Variants in C10orf67 observed in about 807,000 individuals in gnomAD.
The protein encoded by C10orf67 is chromosome 10 open reading frame 67, also known as uncharacterized protein C10orf67, mitochondrial.
C10orf67 carries 60 observed loss-of-function variants against 35.6 expected under a neutral mutation model. The ratio of observed to expected loss-of-function variants is 1.68; its 90% CI spans 1.37 to 2.09. The LOEUF (loss-of-function observed/expected upper bound fraction) is 2.09. C10orf67 is among the 30% of genes most tolerant of loss of function. The pLI, the probability that C10orf67 is intolerant of heterozygous loss-of-function variation, is 0.00. For missense variants in C10orf67, 474 were observed against 330.2 expected, an observed-to-expected ratio of 1.44 and a Z score of -3.38; for synonymous variants, 167 against 115.8, an observed-to-expected ratio of 1.44 and a Z score of -2.84.
chr10:23,249,615 G>T (rs907702791), intron 12 of C10orf67, among the ~76,000 whole-genome samples: 1 of 152,186 alleles, frequency 6.6e-6, no homozygotes, highest in East Asian at 1.9e-4. Context: ...AATATACATA[G>T]CCAGGTATAG....
At chr10:23,343,503 A>G (rs1297951496) in intron 1 of C10orf67, among the ~76,000 whole-genome samples, 1 of 152,212 alleles carries the variant, frequency 6.6e-6, no homozygotes, top group African/African-American at 2.4e-5. Flanking sequence ...TTGTTACAGC[A>G]GCCCGAGGGG....
chr10:23,247,128 A>AT (rs909251894), intron 12 of C10orf67, among the ~76,000 whole-genome samples: 65 of 150,216 alleles, frequency 4.3e-4, no homozygotes, highest in South Asian at 1.3e-3. Flanking sequence ...TGAAAAAAAT[A>AT]TTTTTTTTTT....
intron 8 of C10orf67, among the ~76,000 whole-genome samples, chr10:23,280,600 T>C (rs927708050): frequency 6.6e-6 from 1 of 152,220 alleles, no homozygotes; most frequent in Non-Finnish European, 1.5e-5. Context: ...AGTCTAGGCA[T>C]CCTGAAGGCT....
At chr10:23,313,974 C>T (rs1203866239) in intron 4 of C10orf67, among the ~76,000 whole-genome samples, 1 of 145,460 alleles carries the variant, frequency 6.9e-6, no homozygotes, top group Admixed American at 6.9e-5. Flanking sequence ...GTGAGCAACG[C>T]TGACTATCGA....
At position 23,303,436 on chromosome 10, in the gene C10orf67, C is replaced by T; in HGVS notation, c.570G>A (p.Glu190=). 1.7e-6 allele frequency: 1 copy of T among 584,194 alleles called. No homozygotes were observed. Among genetic ancestry groups the T allele is most frequent in the Non-Finnish European group, 3.1e-6 (1 of 324,152 alleles). The allele number at this position is 584,194 out of a possible 1,614,324, so 36.2% of individuals were successfully genotyped here. Residue 190 remains glutamate, a synonymous_variant, in exon 5 of 16, where the codon GAG becomes GAA. Transcript: ENST00000636213. The stretch of plus-strand genomic sequence containing the variant: ...TACTCGCATCTTGCAAAGAAACATT[C>T]TCTTCTTCTACCTCAAAGAATTGCT... The part of the protein sequence containing the change: ...MYQQFFEVEE[E]NVSLQDASTV...
chr10:23,282,927 G>A (rs1294198183), intron 7 of C10orf67, among the ~76,000 whole-genome samples: 1 of 151,906 alleles, frequency 6.6e-6, no homozygotes, highest in Non-Finnish European at 1.5e-5. Flanking sequence ...GAAGGGTAGT[G>A]AGGGGTGGGG....
intron 7 of C10orf67, among the ~76,000 whole-genome samples, chr10:23,287,301 G>A (rs1843574137): frequency 6.6e-6 from 1 of 152,112 alleles, no homozygotes; most frequent in African/African-American, 2.4e-5. Flanking sequence ...GAGCAGAACA[G>A]AGACCTCAGA....
intron 15 of C10orf67, among the ~76,000 whole-genome samples, chr10:23,213,459 ACTT>A (rs1189339731): frequency 6.6e-6 from 1 of 152,190 alleles, no homozygotes; most frequent in African/African-American, 2.4e-5. Flanking sequence ...TTGACACCAG[ACTT>A]CTTATAATCC....
intron 1 of C10orf67, among the ~76,000 whole-genome samples, chr10:23,335,384 C>A (rs932051006): frequency 1.3e-5 from 2 of 152,188 alleles, no homozygotes; most frequent in African/African-American, 4.8e-5. Context: ...AGATAAATTA[C>A]TAAACCTTTC....
At chr10:23,239,154 C>G (rs1842116145) in intron 13 of C10orf67, among the ~76,000 whole-genome samples, 1 of 152,122 alleles carries the variant, frequency 6.6e-6, no homozygotes, top group Admixed American at 6.5e-5. Flanking sequence ...TTTTGGTTTA[C>G]TTATTAATTG....
intron 2 of C10orf67, among the ~76,000 whole-genome samples, chr10:23,325,926 G>A (rs1845177383): frequency 6.6e-6 from 1 of 152,078 alleles, no homozygotes; most frequent in Non-Finnish European, 1.5e-5. Context: ...GAACTTCACT[G>A]AAAGTACTTA....
chr10:23,265,107 T>C (rs1473371678), intron 10 of C10orf67, among the ~76,000 whole-genome samples: 2 of 152,244 alleles, frequency 1.3e-5, no homozygotes, highest in African/African-American at 2.4e-5. Flanking sequence ...GATTTCCAGT[T>C]GTCTACACTT....
intron 10 of C10orf67, among the ~76,000 whole-genome samples, chr10:23,255,823 A>G (rs1178860593): frequency 6.6e-6 from 1 of 152,212 alleles, no homozygotes; most frequent in Non-Finnish European, 1.5e-5. Context: ...TCTAAATTCA[A>G]CGGTATGGAA....
chr10:23,342,843 C>A (rs76345817), intron 1 of C10orf67, among the ~76,000 whole-genome samples: 344 of 152,392 alleles, frequency 2.3e-3, no homozygotes, highest in African/African-American at 8.0e-3. Context: ...GCTAGGACAC[C>A]TGTGGTCCCT....
intron 12 of C10orf67, among the ~76,000 whole-genome samples, chr10:23,242,257 C>A (rs1842203780): frequency 6.6e-6 from 1 of 152,120 alleles, no homozygotes; most frequent in South Asian, 2.1e-4. Context: ...GCGTGAGCCA[C>A]CATGCCCGGC....
At chr10:23,288,656 C>T (rs369505821) in intron 7 of C10orf67, among the ~76,000 whole-genome samples, 4 of 152,164 alleles carry the variant, frequency 2.6e-5, no homozygotes, top group Middle Eastern at 3.4e-3. Context: ...CAATATCAGG[C>T]CTGGCTGAAA....
rs574068186 is a variant in C10orf67 at position 23,248,920 on chromosome 10, A to G, written c.1346+1535T>C. 2.0e-5 allele frequency among the ~76,000 whole-genome samples: 3 copies of G among 152,160 alleles called. No homozygotes were observed. The East Asian group carries it at 5.8e-4, about 29-fold the overall frequency. On this transcript the variant is annotated intron_variant, in intron 12 of 15. Transcript: ENST00000636213. ...AATATGATTGTCAACATCTTGGTTA[A>G]TAGAAAATCAATTAGAAGTAAAACT...
chr10:23,276,318 G>A (rs1435766550), intron 8 of C10orf67, among the ~76,000 whole-genome samples: 1 of 152,128 alleles, frequency 6.6e-6, no homozygotes, highest in African/African-American at 2.4e-5. Flanking sequence ...TGGCTCAGGG[G>A]GGGATAAAGG....
At position 23,298,166 on chromosome 10, in the gene C10orf67, G is replaced by C. The variant is rs547920870; in HGVS notation, c.702+5138C>G. Among the ~76,000 whole-genome samples, 3 of 152,144 alleles carry C rather than the reference G, an allele frequency of 2.0e-5. No homozygotes were observed. In the East Asian group the frequency reaches 5.8e-4, roughly 29 times the overall value. On this transcript the variant is annotated intron_variant, in intron 5 of 15. Coordinates refer to ENST00000636213, the MANE Select transcript of C10orf67 (RefSeq NM_001371909.1). Reference sequence around the variant, plus strand: ...GCTACTCGGGAGGCTGAGGCAGGAGGATGGCATGAACCTGGGAGGCGGAGC... The same window carrying C: ...GCTACTCGGGAGGCTGAGGCAGGAGCATGGCATGAACCTGGGAGGCGGAGC...
Sources: gnomAD v4.1 joint callset for allele counts (sites outside exome capture counted in the v4.1 genomes callset) on GRCh38, gnomAD v4.1.1 for gene constraint, MANE v1.5 for transcripts, NCBI Gene and HGNC (gene_info 2026-07-23, HGNC 2026-07-21) for gene names.